The following BCL2 variants were observed in gnomAD, a reference collection of about 807,000 sequenced individuals.
The protein encoded by BCL2 is BCL2 apoptosis regulator.
In BCL2, 1 loss-of-function variant was observed where a neutral mutation model predicts 14.2. The observed-to-expected ratio is 0.07, with a 90% CI of 0.02 to 0.33. BCL2 has a LOEUF of 0.33. Ranked by LOEUF, BCL2 falls within the 10% of genes least tolerant of loss-of-function variation. The pLI is 0.99. For missense variants in BCL2, 247 were observed against 305.9 expected (o/e 0.81, Z 1.44); for synonymous variants, 151 against 137.2 (o/e 1.10, Z -0.70).
chr18:63,297,165 A>G (rs1912821856), intron 2 of BCL2, among the ~76,000 whole-genome samples: 1 of 152,068 alleles, frequency 6.6e-6, no homozygotes, highest in Admixed American at 6.5e-5. Context: ...GTGAGCCAAG[A>G]TCACGCCACT....
chr18:63,162,942 A>G (rs1245887969), intron 2 of BCL2, among the ~76,000 whole-genome samples: 1 of 152,058 alleles, frequency 6.6e-6, no homozygotes, highest in Non-Finnish European at 1.5e-5. Flanking sequence ...GCAGCCTTGA[A>G]TTCCCAGGAT....
intron 2 of BCL2, among the ~76,000 whole-genome samples, chr18:63,267,397 G>A (rs1280857783): frequency 6.6e-6 from 1 of 152,192 alleles, no homozygotes; most frequent in African/African-American, 2.4e-5. Flanking sequence ...AGGGGATGGA[G>A]TGGGGAAGAC....
At position 63,247,168 on chromosome 18, in the gene BCL2, G is replaced by A. The variant is rs1407914613; in HGVS notation, c.585+70914C>T. Among the ~76,000 whole-genome samples the A allele has an allele frequency of 3.3e-5, 5 of 151,714 alleles. No individual in the cohort carries two copies. In the Middle Eastern group the frequency reaches 0.01, roughly 314 times the overall value. The stretch of plus-strand genomic sequence containing the variant: ...CATATACTCAAGTACACATACACAC[G>A]CACATTTTCTCATCTTTGAAGATGC... On this transcript the variant is annotated intron_variant, in intron 2 of 2. Coordinates refer to ENST00000333681, the MANE Select transcript of BCL2 (RefSeq NM_000633.3).
Position 63,318,542 on chromosome 18 carries a change from G to GC in BCL2, c.124dup (p.Ala42GlyfsTer111). 6.3e-7 allele frequency: 1 copy of GC among 1,586,692 alleles called. No homozygotes were observed. On this transcript the variant is annotated frameshift_variant, in exon 2 of 3. Transcript: ENST00000333681. LOFTEE classifies it high-confidence loss of function. The surrounding 1 kb of genome is among the most constrained non-coding windows in gnomAD (Gnocchi z 7.4). ...GGAGAAGATGCCCGGTGCGGGGGCG[G>GC]CCCCCGGGGGCGCGGCGCCCACATC... is the stretch of plus-strand genomic sequence containing the variant.
chr18:63,319,227 C>T lies in BCL2; in HGVS notation c.-340G>A, dbSNP rs1005704115. ...CTGTCAAGTTTCCTTTTTGTAAAAC[C>T]AAAACAAATGCATAAGGCAACGATC... On this transcript the variant is annotated 5_prime_UTR_variant, in exon 1 of 3. An upstream open reading frame in the 5' UTR gains an earlier in-frame stop. Coordinates refer to ENST00000333681, the MANE Select transcript of BCL2 (RefSeq NM_000633.3). 29 of 269,058 alleles carry T rather than the reference C, an allele frequency of 1.1e-4. No individual in the cohort carries two copies. Among genetic ancestry groups the T allele is most frequent in the Non-Finnish European group, 1.6e-4 (25 of 152,102 alleles). The allele number at this position is 269,058 out of a possible 1,614,324, so 16.7% of individuals were successfully genotyped here.
At chr18:63,206,657 C>A (rs1909844934) in intron 2 of BCL2, among the ~76,000 whole-genome samples, 1 of 152,134 alleles carries the variant, frequency 6.6e-6, no homozygotes, top group South Asian at 2.1e-4. Context: ...CTAGTAAGTG[C>A]CAGGTGTTGG....
chr18:63,156,967 A>G (rs539390455), intron 2 of BCL2, among the ~76,000 whole-genome samples: 71 of 152,314 alleles, frequency 4.7e-4, no homozygotes, highest in African/African-American at 1.6e-3. Flanking sequence ...GTGAGTAGCT[A>G]CCGCAGCTAC....
rs556164090 is a variant in BCL2 at position 63,201,181 on chromosome 18, T to C, written c.586-72422A>G. ...AGACCACTCTTAACCGCAGGCTGAATTGTCCCTACCAAGCTATCTGCACCT... is the reference window on the plus strand; with the variant it reads ...AGACCACTCTTAACCGCAGGCTGAACTGTCCCTACCAAGCTATCTGCACCT... On this transcript the variant is annotated intron_variant, in intron 2 of 2. Transcript: ENST00000333681. 2.6e-5 allele frequency among the ~76,000 whole-genome samples: 4 copies of C among 152,348 alleles called. No individual in the cohort carries two copies. The South Asian group carries it at 6.2e-4, about 24-fold the overall frequency.
At chr18:63,246,854 A>G (rs1466521142) in intron 2 of BCL2, among the ~76,000 whole-genome samples, 1 of 152,258 alleles carries the variant, frequency 6.6e-6, no homozygotes, top group African/African-American at 2.4e-5. Flanking sequence ...TGAATGAAAC[A>G]TTCCTAAAGC....
chr18:63,251,266 T>C (rs1474554650), intron 2 of BCL2, among the ~76,000 whole-genome samples: 1 of 151,936 alleles, frequency 6.6e-6, no homozygotes, highest in African/African-American at 2.4e-5. Context: ...GCAGAGAAAG[T>C]CTCTCAGGTA....
chr18:63,136,838 G>A (rs1343521014), intron 2 of BCL2, among the ~76,000 whole-genome samples: 1 of 152,248 alleles, frequency 6.6e-6, no homozygotes, highest in Non-Finnish European at 1.5e-5. Context: ...ACCAATCAAG[G>A]AAATAGATAC....
intron 2 of BCL2, among the ~76,000 whole-genome samples, chr18:63,224,786 C>T (rs940959207): frequency 5.3e-5 from 8 of 152,162 alleles, no homozygotes; most frequent in Admixed American, 3.3e-4. Context: ...GACCAGTCAT[C>T]CAGACAGGGC....
chr18:63,155,867 C>T (rs1914767646), intron 2 of BCL2, among the ~76,000 whole-genome samples: 1 of 152,116 alleles, frequency 6.6e-6, no homozygotes, highest in South Asian at 2.1e-4. Flanking sequence ...GGGGCCCTCA[C>T]TCATGTTCTC....
At chr18:63,280,068 T>C (rs1024065382) in intron 2 of BCL2, among the ~76,000 whole-genome samples, 3 of 152,256 alleles carry the variant, frequency 2.0e-5, no homozygotes, top group Non-Finnish European at 2.9e-5. Flanking sequence ...CCCAATGGGA[T>C]ATACATTTAT....
At chr18:63,152,831 A>G (rs75679434) in intron 2 of BCL2, among the ~76,000 whole-genome samples, 1,737 of 152,252 alleles carry the variant, frequency 0.011, 27 homozygotes, top group African/African-American at 0.04. Flanking sequence ...CATATCTTCA[A>G]TTTTTGTATT....
intron 2 of BCL2, among the ~76,000 whole-genome samples, chr18:63,291,184 G>T (rs551387545): frequency 7.7e-4 from 117 of 152,240 alleles, no homozygotes; most frequent in Admixed American, 1.3e-3. Flanking sequence ...AGCAAAAAAT[G>T]GATAAGGTTT....
At chr18:63,263,117 G>A (rs1225755468) in intron 2 of BCL2, among the ~76,000 whole-genome samples, 2 of 152,186 alleles carry the variant, frequency 1.3e-5, no homozygotes, top group East Asian at 3.8e-4. Flanking sequence ...CCTCAGCCTA[G>A]GGGGCAGCGA....
chr18:63,162,923 T>G (rs1914959256), intron 2 of BCL2, among the ~76,000 whole-genome samples: 1 of 152,188 alleles, frequency 6.6e-6, no homozygotes, highest in African/African-American at 2.4e-5. Context: ...GTCGCAATTA[T>G]AGCTCACTGC....
chr18:63,153,905 G>A (rs1914712469), intron 2 of BCL2, among the ~76,000 whole-genome samples: 1 of 152,246 alleles, frequency 6.6e-6, no homozygotes, highest in Non-Finnish European at 1.5e-5. Context: ...AGGCCTGAAT[G>A]TGGATTTTGG....
Sources: gnomAD v4.1 joint callset for allele counts (sites outside exome capture counted in the v4.1 genomes callset) on GRCh38, gnomAD v4.1.1 for gene constraint, Gnocchi (gnomAD v3.1) non-coding constraint, MANE v1.5 for transcripts, NCBI Gene and HGNC (gene_info 2026-07-23, HGNC 2026-07-21) for gene names.